DCPH1: variants seen among roughly 807,000 people sequenced by gnomAD.
The protein encoded by DCPH1 is damage control phosphatase 1.
At chr6:151,459,858 C>G in the DCPH1 span, among the ~76,000 whole-genome samples, 1 of 152,086 alleles carries the variant, frequency 6.6e-6, no homozygotes, top group Non-Finnish European at 1.5e-5. Flanking sequence ...TTGGATTATC[C>G]TTAATAAGCA....
the DCPH1 span, chr6:151,469,208 A>G: frequency 3.9e-5 from 40 of 1,013,042 alleles, no homozygotes; most frequent in East Asian, 1.0e-3. Context: ...GCGGCTCTGT[A>G]CGCGCTCAGG....
At chr6:151,452,667 C>A in the DCPH1 span, 1 of 1,398,906 alleles carries the variant, frequency 7.1e-7, no homozygotes, top group African/African-American at 1.5e-5. Context: ...CGGAGGGCGC[C>A]CGCTCCCCGG....
the DCPH1 span, among the ~76,000 whole-genome samples, chr6:151,467,312 A>C: frequency 1.3e-5 from 2 of 151,734 alleles, no homozygotes. Flanking sequence ...TAAATCACAA[A>C]TGAGGGCCTG....
At chr6:151,454,785 G>A in the DCPH1 span, 7,413 of 540,980 alleles carry the variant, frequency 0.014, 72 homozygotes, top group Non-Finnish European at 0.016. Context: ...TGTTTTTAAG[G>A]TAATACATTG....
the DCPH1 span, chr6:151,468,591 G>A: frequency 6.2e-7 from 1 of 1,614,066 alleles, no homozygotes; most frequent in Non-Finnish European, 8.5e-7. Flanking sequence ...CCGACTTCTT[G>A]TTGTCCTCTG....
the DCPH1 span, among the ~76,000 whole-genome samples, chr6:151,461,026 T>C: frequency 6.6e-6 from 1 of 152,198 alleles, no homozygotes; most frequent in Non-Finnish European, 1.5e-5. Context: ...GAACCAGGAT[T>C]TGAGCCTGGT....
At chr6:151,455,851 G>C in the DCPH1 span, among the ~76,000 whole-genome samples, 4 of 152,278 alleles carry the variant, frequency 2.6e-5, no homozygotes, top group African/African-American at 9.6e-5. Flanking sequence ...GACAATACCT[G>C]GCTTTCCTAG....
the DCPH1 span, among the ~76,000 whole-genome samples, chr6:151,457,217 G>A: frequency 6.6e-6 from 1 of 152,162 alleles, no homozygotes; most frequent in African/African-American, 2.4e-5. Flanking sequence ...TACCTGGTTT[G>A]GCAGATGTGT....
At chr6:151,459,571 C>T in the DCPH1 span, among the ~76,000 whole-genome samples, 1 of 152,040 alleles carries the variant, frequency 6.6e-6, no homozygotes, top group African/African-American at 2.4e-5. Flanking sequence ...GCAGGTGGAT[C>T]ACTCGAGGTC....
the DCPH1 span, among the ~76,000 whole-genome samples, chr6:151,460,083 G>GT: frequency 6.6e-6 from 1 of 151,848 alleles, no homozygotes; most frequent in Non-Finnish European, 1.5e-5. Flanking sequence ...TGTTCTTGTT[G>GT]TTGTTTGTTT....
chr6:151,457,182 C>T, the DCPH1 span, among the ~76,000 whole-genome samples: 2 of 152,158 alleles, frequency 1.3e-5, no homozygotes, highest in African/African-American at 4.8e-5. Flanking sequence ...CCCACCTCAG[C>T]GGTCAAACGT....
chr6:151,463,703 C>T, the DCPH1 span, among the ~76,000 whole-genome samples: 1 of 152,156 alleles, frequency 6.6e-6, no homozygotes, highest in African/African-American at 2.4e-5. Context: ...TTTACCCTAA[C>T]ATGAATGACC....
the DCPH1 span, among the ~76,000 whole-genome samples, chr6:151,453,283 A>T: frequency 2.0e-5 from 3 of 152,150 alleles, no homozygotes; most frequent in Admixed American, 6.5e-5. Flanking sequence ...GCCTCACTCC[A>T]GTCCTGGCCA....
the DCPH1 span, chr6:151,454,763 C>T: frequency 1.7e-6 from 1 of 578,666 alleles, no homozygotes; most frequent in Non-Finnish European, 3.1e-6. Flanking sequence ...ATAGATGGGC[C>T]AAGTATTTAT....
At chr6:151,460,276 A>G in the DCPH1 span, among the ~76,000 whole-genome samples, 2 of 151,492 alleles carry the variant, frequency 1.3e-5, no homozygotes, top group Non-Finnish European at 2.9e-5. Flanking sequence ...TTTTGTAGAG[A>G]TGGGGTTTCG....
chr6:151,454,043 T>C, the DCPH1 span, among the ~76,000 whole-genome samples: 1 of 152,160 alleles, frequency 6.6e-6, no homozygotes, highest in Non-Finnish European at 1.5e-5. Context: ...ATAATTAAAA[T>C]TGACTTAGAA....
At chr6:151,459,612 C>T in the DCPH1 span, among the ~76,000 whole-genome samples, 14 of 151,830 alleles carry the variant, frequency 9.2e-5, no homozygotes, top group Admixed American at 2.6e-4. Flanking sequence ...GTGAGCGTGG[C>T]GAAACCCCGT....
At chr6:151,454,603 A>G in the DCPH1 span, 8 of 1,580,882 alleles carry the variant, frequency 5.1e-6, no homozygotes, top group South Asian at 5.7e-5. Flanking sequence ...AACTAAGGTT[A>G]TTGATACATT....
the DCPH1 span, among the ~76,000 whole-genome samples, chr6:151,466,851 T>G: frequency 1.3e-5 from 2 of 152,204 alleles, no homozygotes; most frequent in African/African-American, 4.8e-5. Flanking sequence ...TGGACACCAT[T>G]GTATGAATTT....
Sources: gnomAD v4.1 joint callset for allele counts (sites outside exome capture counted in the v4.1 genomes callset) on GRCh38, gnomAD v4.1.1 for gene constraint, MANE v1.5 for transcripts, NCBI Gene and HGNC (gene_info 2026-07-23, HGNC 2026-07-21) for gene names.